The following ARHGAP28 variants were observed in gnomAD, a reference collection of about 807,000 sequenced individuals.
ARHGAP28 encodes rho GTPase-activating protein 28.
In ARHGAP28, 56 loss-of-function variants were observed where a neutral mutation model predicts 90.7. That is an observed-to-expected ratio of 0.62 (90% CI 0.50 to 0.77). The LOEUF is 0.77. Ranked by LOEUF, ARHGAP28 falls within the 30% of genes least tolerant of loss-of-function variation. ARHGAP28 has a pLI of 0.00. For synonymous variants in ARHGAP28, 308 were observed against 323.3 expected, an observed-to-expected ratio of 0.95 and a Z score of 0.51; for missense variants, 869 against 900.9, an observed-to-expected ratio of 0.96 and a Z score of 0.45.
chr18:6,798,878 G>C (rs2056461758), intron 1 of ARHGAP28, among the ~76,000 whole-genome samples: 1 of 152,144 alleles, frequency 6.6e-6, no homozygotes, highest in African/African-American at 2.4e-5. Context: ...CTGTGTTTAT[G>C]CATTTAATAT....
intron 6 of ARHGAP28, among the ~76,000 whole-genome samples, chr18:6,869,253 C>CTTTTT (rs61280250): frequency 6.9e-4 from 47 of 67,974 alleles, no homozygotes; most frequent in East Asian, 1.9e-3. Flanking sequence ...TTTTGCCATT[C>CTTTTT]TTTTTTTTTT....
At position 6,729,906 on chromosome 18, in the gene ARHGAP28, T is replaced by G. The variant is rs1396443741; in HGVS notation, c.85T>G (p.Cys29Gly). The G allele has an allele frequency of 2.1e-6, 3 of 1,417,320 alleles. No homozygotes were observed. In the East Asian group the frequency reaches 9.2e-5, roughly 43 times the overall value. The allele number at this position is 1,417,320 out of a possible 1,614,324, so 87.8% of individuals were successfully genotyped here. ...CCAGCCCCCCAACGCCGAGTCGCGCTGCGCGCCCCGCGCCGCAGCCAGCCA... is the reference window on the plus strand; with the variant it reads ...CCAGCCCCCCAACGCCGAGTCGCGCGGCGCGCCCCGCGCCGCAGCCAGCCA... ...RAQPPNAESR[C>G]APRAAASHPL... The change falls in exon 1 of 18, where the codon TGC becomes GGC. Residue 29 changes from cysteine to glycine, a missense_variant. Coordinates refer to ENST00000383472, the MANE Select transcript of ARHGAP28 (RefSeq NM_001366230.1).
chr18:6,758,410 G>A (rs576469779), intron 1 of ARHGAP28, among the ~76,000 whole-genome samples: 140 of 151,774 alleles, frequency 9.2e-4, no homozygotes, highest in African/African-American at 3.3e-3. Flanking sequence ...TGAAACTTCT[G>A]CCTCCCGAGT....
chr18:6,786,683 ATCAAAACAAATTATCC>A (rs2056367305), intron 1 of ARHGAP28, among the ~76,000 whole-genome samples: 1 of 152,308 alleles, frequency 6.6e-6, no homozygotes, highest in African/African-American at 2.4e-5. Context: ...TGATGAAAAG[ATCAAAACAAATTATCC>A]TCACAGCAAG....
chr18:6,787,627 T>A (rs537990501), intron 1 of ARHGAP28, among the ~76,000 whole-genome samples: 4 of 152,320 alleles, frequency 2.6e-5, no homozygotes, highest in African/African-American at 9.6e-5. Flanking sequence ...TTTACAAAGC[T>A]GTGATGTGCA....
At chr18:6,818,966 C>T (rs2056609291) in intron 1 of ARHGAP28, among the ~76,000 whole-genome samples, 1 of 152,202 alleles carries the variant, frequency 6.6e-6, no homozygotes, top group Non-Finnish European at 1.5e-5. Context: ...CCCAGTAACT[C>T]TCTCCATTGC....
intron 1 of ARHGAP28, chr18:6,788,956 A>G (rs2056386522): frequency 6.6e-6 from 1 of 152,170 alleles, no homozygotes; most frequent in Admixed American, 6.5e-5. Flanking sequence ...GTGGCTCCCA[A>G]CTCTACCAAC....
intron 7 of ARHGAP28, 73 bp from the exon 8 acceptor site, chr18:6,873,336 A>G: frequency 7.8e-7 from 1 of 1,280,266 alleles, no homozygotes; most frequent in Non-Finnish European, 1.1e-6. Flanking sequence ...TAGAGTGTCC[A>G]GGTGGCATTT....
intron 3 of ARHGAP28, among the ~76,000 whole-genome samples, chr18:6,840,094 G>A (rs1379404964): frequency 6.6e-6 from 1 of 152,170 alleles, no homozygotes; most frequent in African/African-American, 2.4e-5. Context: ...ACAGTACCTA[G>A]TAGACTCCAG....
chr18:6,902,124 T>C (rs1567988400), intron 16 of ARHGAP28, among the ~76,000 whole-genome samples: 1 of 152,186 alleles, frequency 6.6e-6, no homozygotes, highest in African/African-American at 2.4e-5. Flanking sequence ...GGCATGAATT[T>C]TGGGGGACAC....
chr18:6,836,468 C>T (rs1229516653), intron 2 of ARHGAP28, among the ~76,000 whole-genome samples: 1 of 152,072 alleles, frequency 6.6e-6, no homozygotes, highest in Admixed American at 6.5e-5. Flanking sequence ...GTGGTCACTG[C>T]ACCTTATCTG....
chr18:6,794,776 G>C (rs1471448035), intron 1 of ARHGAP28, among the ~76,000 whole-genome samples: 1 of 152,062 alleles, frequency 6.6e-6, no homozygotes, highest in African/African-American at 2.4e-5. Flanking sequence ...TCGACCTCCT[G>C]GGCTCAAGCA....
chr18:6,748,551 T>A (rs910394471), intron 1 of ARHGAP28, among the ~76,000 whole-genome samples: 1 of 152,134 alleles, frequency 6.6e-6, no homozygotes, highest in African/African-American at 2.4e-5. Flanking sequence ...TTCTGGCTGA[T>A]GTGAGAAAGC....
At chr18:6,798,911 A>G (rs2056462072) in intron 1 of ARHGAP28, among the ~76,000 whole-genome samples, 1 of 152,224 alleles carries the variant, frequency 6.6e-6, no homozygotes, top group East Asian at 1.9e-4. Flanking sequence ...AGCATGCATC[A>G]TGCTAGACCC....
chr18:6,841,299 T>C (rs976946081), intron 3 of ARHGAP28, among the ~76,000 whole-genome samples: 4 of 148,950 alleles, frequency 2.7e-5, no homozygotes, highest in Non-Finnish European at 5.9e-5. Flanking sequence ...TCTTATTCTT[T>C]CTTTGGCATC....
chr18:6,755,603 T>C (rs538472599), intron 1 of ARHGAP28, among the ~76,000 whole-genome samples: 1 of 152,358 alleles, frequency 6.6e-6, no homozygotes, highest in South Asian at 2.1e-4. Flanking sequence ...CCAGTTGCAC[T>C]GGTTGTGCCT....
chr18:6,743,134 C>T (rs1188876848), intron 1 of ARHGAP28, among the ~76,000 whole-genome samples: 5 of 151,918 alleles, frequency 3.3e-5, no homozygotes, highest in Admixed American at 6.6e-5. Flanking sequence ...AGAGGGAGAC[C>T]GACGAGGGGA....
At chr18:6,837,463 GA>G in intron 3 of ARHGAP28, 49 bp downstream of exon 3, 2 of 664,898 alleles carry the variant, frequency 3.0e-6, no homozygotes, top group African/African-American at 1.9e-5. Flanking sequence ...TTTGACTGGG[GA>G]TGGGGTAGGG....
chr18:6,867,759 CAA>C (rs1335168264), intron 5 of ARHGAP28, among the ~76,000 whole-genome samples: 1 of 152,018 alleles, frequency 6.6e-6, no homozygotes, highest in Admixed American at 6.6e-5. Context: ...GATTAATTAA[CAA>C]ATGATATTAT....
Sources: gnomAD v4.1 joint callset for allele counts (sites outside exome capture counted in the v4.1 genomes callset) on GRCh38, gnomAD v4.1.1 for gene constraint, MANE v1.5 for transcripts, NCBI Gene and HGNC (gene_info 2026-07-23, HGNC 2026-07-21) for gene names.